Variants in TEX11 observed in about 807,000 individuals in gnomAD.
The protein encoded by TEX11 is testis expressed 11.
A neutral mutation model predicts 84.4 loss-of-function variants in TEX11; 7 were observed. The observed-to-expected ratio is 0.08, with a 90% CI of 0.05 to 0.16. TEX11 has a LOEUF of 0.16. Ranked by LOEUF, TEX11 falls within the 10% of genes least tolerant of loss-of-function variation. The probability of loss-of-function intolerance (pLI) is 1.00; values close to 1 mark genes in which losing one functional copy is unlikely to be tolerated. For synonymous variants in TEX11, 264 were observed against 222.8 expected, an observed-to-expected ratio of 1.18 and a Z score of -1.64; for missense variants, 551 against 660.5, an observed-to-expected ratio of 0.83 and a Z score of 1.82.
intron 8 of TEX11, among the ~76,000 whole-genome samples, chrX:70,807,114 C>T (rs1218921090): frequency 8.9e-6 from 1 of 111,954 alleles, no homozygotes; most frequent in Non-Finnish European, 1.9e-5. Context: ...AATGAGAAAC[C>T]CAATCATTGC....
chrX:70,886,287 G>A (rs935895450), intron 2 of TEX11, among the ~76,000 whole-genome samples: 2 of 111,934 alleles, frequency 1.8e-5, no homozygotes, highest in Admixed American at 1.9e-4. Context: ...TCCATAATAT[G>A]TGACAATATG....
the TEX11 span, among the ~76,000 whole-genome samples, chrX:70,515,476 T>TA: frequency 1.8e-5 from 2 of 112,342 alleles, no homozygotes. Flanking sequence ...CTGCATAGTA[T>TA]TCCATGGTGT....
chrX:70,682,885 G>A, intron 13 of TEX11, 60 bp from the exon 14 acceptor site: 1 of 1,088,072 alleles, frequency 9.2e-7, no homozygotes, highest in Non-Finnish European at 1.3e-6. Context: ...TTGATCAATG[G>A]GACTAAAATG....
intron 9 of TEX11, among the ~76,000 whole-genome samples, chrX:70,748,506 T>C (rs2090785172): frequency 1.8e-5 from 2 of 111,815 alleles, no homozygotes; most frequent in Admixed American, 9.5e-5. Context: ...CATGCCTATG[T>C]CCTGAATGGT....
intron 9 of TEX11, among the ~76,000 whole-genome samples, chrX:70,796,505 G>A: frequency 8.9e-6 from 1 of 111,951 alleles, no homozygotes; most frequent in Non-Finnish European, 1.9e-5. Flanking sequence ...AGAACACCAG[G>A]TGGATTTAAG....
At chrX:70,835,661 A>G (rs2091401127) in intron 7 of TEX11, among the ~76,000 whole-genome samples, 1 of 112,607 alleles carries the variant, frequency 8.9e-6, no homozygotes, top group African/African-American at 3.2e-5. Context: ...GTAAGTCACA[A>G]TCTCTTTGAG....
rs753272244 is a variant in TEX11 at position 70,761,055 on chromosome X, A to G, written c.693-16836T>C. ...CAGAGAAATGCAAATCGAAACCACA[A>G]TGAGATGCCATCTCACACCAGTTAG... On this transcript the variant is annotated intron_variant, in intron 9 of 29. Coordinates refer to ENST00000374333, the MANE Select transcript of TEX11 (RefSeq NM_031276.3). Among the ~76,000 whole-genome samples, 366 of 112,128 alleles carry G rather than the reference A, an allele frequency of 3.3e-3. 1 individual carries two copies. The highest frequency in any genetic ancestry group is 5.8e-3 in the Non-Finnish European group (306 of 53,203).
chrX:70,703,902 C>T (rs756692043), intron 13 of TEX11, among the ~76,000 whole-genome samples: 5 of 111,731 alleles, frequency 4.5e-5, no homozygotes, highest in Non-Finnish European at 9.4e-5. Flanking sequence ...ATGGTTTGGA[C>T]ATGTGTCCTC....
intron 8 of TEX11, among the ~76,000 whole-genome samples, chrX:70,817,510 C>T (rs2091294934): frequency 8.9e-6 from 1 of 111,924 alleles, no homozygotes; most frequent in Non-Finnish European, 1.9e-5. Context: ...GAAATCGAGG[C>T]TGCAGTGAGC....
intron 20 of TEX11, among the ~76,000 whole-genome samples, chrX:70,619,752 T>C (rs959728159): frequency 2.7e-5 from 3 of 111,240 alleles, no homozygotes; most frequent in African/African-American, 9.8e-5. Flanking sequence ...GACAATTTCA[T>C]GATATAATGA....
intron 7 of TEX11, among the ~76,000 whole-genome samples, chrX:70,838,110 T>TA (rs1569452580): frequency 8.9e-6 from 1 of 112,186 alleles, no homozygotes; most frequent in African/African-American, 3.2e-5. Flanking sequence ...TTCAAAATTT[T>TA]AAAAAATTTT....
intron 14 of TEX11, among the ~76,000 whole-genome samples, chrX:70,679,497 C>A (rs1331502448): frequency 9.5e-6 from 1 of 104,755 alleles, no homozygotes; most frequent in Admixed American, 9.9e-5. Context: ...AAGTGAGGAG[C>A]GCCTCTTCCC....
chrX:70,793,212 A>G (rs1190774111), intron 9 of TEX11, among the ~76,000 whole-genome samples: 1 of 112,023 alleles, frequency 8.9e-6, no homozygotes, highest in Non-Finnish European at 1.9e-5. Flanking sequence ...AATAAGAGCC[A>G]TCTATGACAA....
intron 15 of TEX11, chrX:70,673,082 T>A (rs1797604472): frequency 8.6e-6 from 1 of 115,749 alleles, no homozygotes. Context: ...TTCAGCTATG[T>A]CCCTGATAGC....
At chrX:70,548,696 A>G in intron 28 of TEX11, among the ~76,000 whole-genome samples, 2 of 111,909 alleles carry the variant, frequency 1.8e-5, no homozygotes, top group Non-Finnish European at 3.8e-5. Flanking sequence ...ACTGATGCTC[A>G]TGGAGGGAGT....
intron 11 of TEX11, among the ~76,000 whole-genome samples, chrX:70,732,789 T>C (rs1304769605): frequency 9.0e-6 from 1 of 111,369 alleles, no homozygotes; most frequent in Non-Finnish European, 1.9e-5. Context: ...TTCACAGAAT[T>C]GGAAAAAACT....
chrX:70,790,024 T>C, intron 9 of TEX11, among the ~76,000 whole-genome samples: 1 of 112,327 alleles, frequency 8.9e-6, no homozygotes, highest in Non-Finnish European at 1.9e-5. Flanking sequence ...GTGAAATAAG[T>C]CCAGCACGGA....
intron 9 of TEX11, among the ~76,000 whole-genome samples, chrX:70,770,179 A>G (rs1419126538): frequency 1.8e-5 from 2 of 111,696 alleles, no homozygotes; most frequent in Admixed American, 1.9e-4. Context: ...AAAGGAATGA[A>G]CATTAAGTAC....
Position 70,806,778 on chromosome X carries a change from G to A in TEX11, c.619C>T (p.His207Tyr), listed in dbSNP as rs1455114798. ...ACTCCAAAGTTGTAACAGAGATGAT[G>A]AAGACTTGAAGTCTGCAATATAAAA... is the stretch of plus-strand genomic sequence containing the variant. ...MRLPQMTSSL[H>Y]HLCYNFGVET... Residue 207 changes from histidine (H) to tyrosine (Y), a missense_variant, in exon 9 of 30, where the codon CAT becomes TAT. By Grantham distance (83) the His-to-Tyr change is moderately conservative. Coordinates refer to ENST00000374333, the MANE Select transcript of TEX11 (RefSeq NM_031276.3). 4 of 1,164,650 alleles carry A rather than the reference G, an allele frequency of 3.4e-6. No individual in the cohort carries two copies. The highest frequency in any genetic ancestry group is 3.8e-5 in the South Asian group (2 of 52,966).
Sources: gnomAD v4.1 joint callset for allele counts (sites outside exome capture counted in the v4.1 genomes callset) on GRCh38, gnomAD v4.1.1 for gene constraint, MANE v1.5 for transcripts, NCBI Gene and HGNC (gene_info 2026-07-23, HGNC 2026-07-21) for gene names.